The following GDPD5 variants were observed in gnomAD, a reference collection of about 807,000 sequenced individuals.
GDPD5 encodes glycerophosphodiester phosphodiesterase domain containing 5.
In GDPD5, 48 loss-of-function variants were observed where a neutral mutation model predicts 75.1. The observed-to-expected ratio is 0.64, with a 90% confidence interval of 0.51 to 0.81. The LOEUF is 0.81. Ranked by LOEUF, GDPD5 falls within the 40% of genes least tolerant of loss-of-function variation. The pLI is 0.00. For missense variants in GDPD5, 706 were observed against 822.6 expected, an observed-to-expected ratio of 0.86 and a Z score of 1.73; for synonymous variants, 336 against 339.0, an observed-to-expected ratio of 0.99 and a Z score of 0.10.
chr11:75,447,444 G>A (rs567071595), intron 9 of GDPD5, among the ~76,000 whole-genome samples: 1 of 152,186 alleles, frequency 6.6e-6, no homozygotes, highest in South Asian at 2.1e-4. Flanking sequence ...AAGTGCCTAT[G>A]GGTAAGACGA....
In GDPD5 at chr11:75,450,128, ATGGGC is replaced by A. The variant is rs1383779717; in HGVS notation, c.376-150_376-146del. On this transcript the variant is annotated intron_variant, in intron 6 of 16. Coordinates refer to ENST00000336898, the MANE Select transcript of GDPD5 (RefSeq NM_030792.8). ...GAGGGGAGGGAGGAAAGAGACAGGC[ATGGGC>A]TGCCAGGAAACTAGAGGCCGGCAGA... is the stretch of plus-strand genomic sequence containing the variant. 4.6e-6 allele frequency: 3 copies of A among 649,242 alleles called. No individual in the cohort carries two copies. In the African/African-American group the frequency reaches 5.5e-5, roughly 12 times the overall value. 40.2% of individuals were successfully genotyped at this position (649,242 alleles called of 1,614,324 possible).
At chr11:75,448,619 T>G (rs1949048833) in intron 9 of GDPD5, 1 of 1,034,042 alleles carries the variant, frequency 9.7e-7, no homozygotes. Context: ...CTGAGCTGCC[T>G]CCCAGCTCTC....
intron 2 of GDPD5, among the ~76,000 whole-genome samples, chr11:75,480,726 T>C (rs1302295998): frequency 1.3e-5 from 2 of 152,170 alleles, no homozygotes; most frequent in Admixed American, 6.5e-5. Context: ...CTCTAACCCA[T>C]GGGCCTGCCA....
chr11:75,438,848 GAA>G (rs1003546408), intron 15 of GDPD5: 3 of 170,232 alleles, frequency 1.8e-5, no homozygotes, highest in African/African-American at 7.4e-5. Context: ...AGAATGTAAA[GAA>G]GAGAGAGAAA....
chr11:75,525,004 T>C (rs1434643974), intron 1 of GDPD5, among the ~76,000 whole-genome samples: 1 of 152,208 alleles, frequency 6.6e-6, no homozygotes, highest in African/African-American at 2.4e-5. Flanking sequence ...CAGTGAGGCT[T>C]AGGCGGGGCG....
intron 1 of GDPD5, among the ~76,000 whole-genome samples, chr11:75,524,894 C>T (rs1045172393): frequency 6.6e-6 from 1 of 152,216 alleles, no homozygotes; most frequent in Non-Finnish European, 1.5e-5. Flanking sequence ...CTTCCCCAGT[C>T]TCCTCCCCGC....
chr11:75,517,635 C>A (rs1414003878), intron 1 of GDPD5, among the ~76,000 whole-genome samples: 1 of 152,062 alleles, frequency 6.6e-6, no homozygotes, highest in Non-Finnish European at 1.5e-5. Flanking sequence ...GAGCCTGGTG[C>A]CATCCTCACT....
intron 3 of GDPD5, among the ~76,000 whole-genome samples, chr11:75,472,827 C>CA (rs1452862250): frequency 3.3e-5 from 5 of 152,010 alleles, no homozygotes; most frequent in Non-Finnish European, 7.4e-5. Flanking sequence ...CAGTGGGAAA[C>CA]AAAAAATCAC....
intron 1 of GDPD5, among the ~76,000 whole-genome samples, chr11:75,509,456 G>A (rs975876417): frequency 2.0e-5 from 3 of 152,178 alleles, no homozygotes; most frequent in Non-Finnish European, 4.4e-5. Context: ...CTGATGCCAG[G>A]GAGCACTTCC....
chr11:75,478,723 A>G (rs1949836408), intron 2 of GDPD5, among the ~76,000 whole-genome samples: 1 of 152,264 alleles, frequency 6.6e-6, no homozygotes, highest in Non-Finnish European at 1.5e-5. Flanking sequence ...AGAAGAAATT[A>G]TCATATAAGC....
At chr11:75,485,959 G>C (rs1950014428) in intron 2 of GDPD5, among the ~76,000 whole-genome samples, 2 of 152,162 alleles carry the variant, frequency 1.3e-5, no homozygotes, top group African/African-American at 4.8e-5. Flanking sequence ...CTTGGCCGTG[G>C]CTGCCCTCGC....
At position 75,444,442 on chromosome 11, in the gene GDPD5, C is replaced by T. The variant is rs751738592; in HGVS notation, c.768G>A (p.Leu256=). 9.3e-6 allele frequency: 15 copies of T among 1,613,690 alleles called. No individual in the cohort carries two copies. Among genetic ancestry groups the T allele is most frequent in the African/African-American group, 2.7e-5 (2 of 74,922 alleles). ...TGGTAATGTCAGCCTGGAGCCCGTA[C>T]AGCTTCTGCTCGAGGGCCTTCCGGA... ...MSFRKALEQK[L]YGLQADITIS... Residue 256 remains leucine, a synonymous_variant, in exon 10 of 17, where the codon CTG becomes CTA. Transcript: ENST00000336898.
rs778076504 is a variant in GDPD5 at position 75,442,407 on chromosome 11, C to G, written c.1123G>C (p.Val375Leu). The stretch of plus-strand genomic sequence containing the variant: ...GAGTGCAGCACGGCCTCCAGAGTCA[C>G]GTTGATAAAACTGCTGCGGTAGGGG... ...EHPYRSSFIN[V>L]TLEAVLHSGF... The change falls in exon 12 of 17, where the codon GTG becomes CTG. Residue 375 changes from valine (V) to leucine (L), a missense_variant. By Grantham distance (32) the Val-to-Leu change is conservative (BLOSUM62 1). Transcript: ENST00000336898. The G allele has an allele frequency of 6.3e-7, 1 of 1,596,190 alleles. No individual in the cohort carries two copies.
At chr11:75,468,313 G>A (rs558931482) in intron 3 of GDPD5, among the ~76,000 whole-genome samples, 2 of 152,272 alleles carry the variant, frequency 1.3e-5, no homozygotes, top group Admixed American at 1.3e-4. Flanking sequence ...CTTGCCCTGA[G>A]GCAGCGAGCG....
chr11:75,499,785 T>C (rs1444709629), intron 1 of GDPD5, among the ~76,000 whole-genome samples: 1 of 152,176 alleles, frequency 6.6e-6, no homozygotes, highest in African/African-American at 2.4e-5. Flanking sequence ...ATCCACGTCC[T>C]GACCTTCCTA....
intron 3 of GDPD5, among the ~76,000 whole-genome samples, chr11:75,468,120 C>T (rs1057495661): frequency 7.9e-5 from 12 of 152,304 alleles, no homozygotes; most frequent in Middle Eastern, 3.4e-3. Flanking sequence ...GCTACAGGCC[C>T]CTGCCACTGT....
At chr11:75,449,781 T>C in intron 7 of GDPD5, 104 bp downstream of exon 7, 1 of 1,324,650 alleles carries the variant, frequency 7.5e-7, no homozygotes, top group Non-Finnish European at 1.1e-6. Flanking sequence ...ACCTGCTCTG[T>C]GACCCTGGGC....
chr11:75,468,491 G>C (rs1342651990), intron 3 of GDPD5, among the ~76,000 whole-genome samples: 14 of 152,218 alleles, frequency 9.2e-5, no homozygotes, highest in Admixed American at 9.2e-4. Context: ...TGGCAATACT[G>C]GGTTTGAATC....
chr11:75,468,679 GC>G (rs71036054), intron 3 of GDPD5, among the ~76,000 whole-genome samples: 109 of 144,438 alleles, frequency 7.5e-4, no homozygotes, highest in South Asian at 2.0e-3. Flanking sequence ...CTCCCCCGAC[GC>G]CCCCCCCCCG....
Sources: allele counts gnomAD v4.1 joint callset (sites outside exome capture counted in the v4.1 genomes callset), GRCh38; gene constraint gnomAD v4.1.1; transcripts MANE v1.5; gene names NCBI Gene and HGNC (gene_info 2026-07-23, HGNC 2026-07-21).